Variants in POGLUT1 observed in about 807,000 individuals in gnomAD.
POGLUT1 encodes protein O-glucosyltransferase 1, also known as 9630046K23Rik.
Under a neutral mutation model 61.3 loss-of-function variants are expected in POGLUT1, and 32 were observed. That is an observed-to-expected ratio of 0.52 (90% CI 0.39 to 0.70). The LOEUF (loss-of-function observed/expected upper bound fraction) is 0.70, where lower values mean the gene tolerates loss of function less well. POGLUT1 is among the 30% of genes least tolerant of loss of function. The pLI is 0.00. For missense variants in POGLUT1, 411 were observed against 469.8 expected, an observed-to-expected ratio of 0.87 and a Z score of 1.16; for synonymous variants, 158 against 158.2, an observed-to-expected ratio of 1.00 and a Z score of 0.01.
In POGLUT1 at chr3:119,493,883, T is replaced by C. The variant is rs1437046353; in HGVS notation, c.*1445T>C. The C allele has an allele frequency of 2.1e-5, 3 of 145,166 alleles. No individual in the cohort carries two copies. The East Asian group carries it at 6.3e-4, about 30-fold the overall frequency. The allele number at this position is 145,166 out of a possible 1,614,324, so 9.0% of individuals were successfully genotyped here. A position where few individuals can be genotyped will look rare whatever the true frequency, so the allele number is the denominator to read the frequency against. ...GGTTCTTAGTCTGTGAATCTAGCAA[T>C]AGGCAGTCCAGATTTCTGAGTCGTA... On this transcript the variant is annotated 3_prime_UTR_variant, in exon 11 of 11. Transcript: ENST00000295588.
chr3:119,470,728 A>G (rs1479499057), intron 2 of POGLUT1, among the ~76,000 whole-genome samples: 1 of 152,240 alleles, frequency 6.6e-6, no homozygotes, highest in Non-Finnish European at 1.5e-5. Flanking sequence ...TTCATCAGCT[A>G]AATAACAGGG....
chr3:119,472,986 G>A (rs6782411), intron 3 of POGLUT1, among the ~76,000 whole-genome samples: 22,114 of 152,124 alleles, frequency 0.15, 1,710 homozygotes, highest in South Asian at 0.25. Flanking sequence ...AGCCTGAGCC[G>A]TGATTATGCC....
chr3:119,473,585 A>G (rs1225598291), intron 3 of POGLUT1, among the ~76,000 whole-genome samples: 1 of 152,212 alleles, frequency 6.6e-6, no homozygotes, highest in African/African-American at 2.4e-5. Flanking sequence ...ACAATCCTGA[A>G]TGAAATGCAC....
intron 3 of POGLUT1, among the ~76,000 whole-genome samples, chr3:119,474,273 C>T (rs150119771): frequency 4.6e-5 from 7 of 152,236 alleles, no homozygotes; most frequent in African/African-American, 1.4e-4. Context: ...ACATTGTATC[C>T]TGTAAATATG....
intron 5 of POGLUT1, among the ~76,000 whole-genome samples, chr3:119,482,261 A>G (rs1234756244): frequency 6.6e-6 from 1 of 152,184 alleles, no homozygotes; most frequent in Non-Finnish European, 1.5e-5. Context: ...TATGAAACCT[A>G]TATATGCTCA....
rs192813461 is a variant in POGLUT1, at chr3:119,483,985, G to A, written c.579-1343G>A. On this transcript the variant is annotated intron_variant, in intron 5 of 10. Transcript: ENST00000295588. ...GACGACTTCTTACTTTTATCTTTAT[G>A]CTTTTTCATGAGAACTTTGCATGAG... Among the ~76,000 whole-genome samples the A allele has an allele frequency of 1.3e-3, 192 of 152,300 alleles. 2 individuals are homozygous for A. The highest frequency in any genetic ancestry group is 4.5e-3 in the African/African-American group (186 of 41,566).
At chr3:119,486,621 C>T (rs1016091281) in intron 6 of POGLUT1, among the ~76,000 whole-genome samples, 1 of 152,040 alleles carries the variant, frequency 6.6e-6, no homozygotes, top group African/African-American at 2.4e-5. Context: ...GGGCCAAGTA[C>T]CCCCCAACCC....
intron 3 of POGLUT1, among the ~76,000 whole-genome samples, chr3:119,473,850 G>A (rs189285064): frequency 7.6e-4 from 116 of 151,998 alleles, no homozygotes; most frequent in South Asian, 4.8e-3. Flanking sequence ...TAGTAGAGAC[G>A]GGGTTTCACC....
In POGLUT1 at chr3:119,488,946, A is replaced by G. The variant is rs1356722422; in HGVS notation, c.756A>G (p.Pro252=). 3 of 1,592,244 alleles carry G rather than the reference A, an allele frequency of 1.9e-6. No individual in the cohort carries two copies. In the East Asian group the frequency reaches 6.7e-5, roughly 36 times the overall value. Residue 252 remains proline (P), a synonymous_variant, in exon 8 of 11, where the codon CCA becomes CCG. Coordinates refer to ENST00000295588, the MANE Select transcript of POGLUT1 (RefSeq NM_152305.3). ...ACTTAAAGGATACCTTAGGAAAGCC[A>G]GCTGCTAAGGATGTCCATCTTGTGG... The part of the protein sequence containing the change: ...WKSMKDTLGK[P]AAKDVHLVDH...
At chr3:119,478,738 T>G (rs1312124347) in intron 4 of POGLUT1, among the ~76,000 whole-genome samples, 2 of 152,160 alleles carry the variant, frequency 1.3e-5, no homozygotes, top group Non-Finnish European at 2.9e-5. Flanking sequence ...ATATTGCACA[T>G]GTATTTCCAG....
At chr3:119,491,968 C>T (rs1217462766) in intron 10 of POGLUT1, among the ~76,000 whole-genome samples, 2 of 152,088 alleles carry the variant, frequency 1.3e-5, no homozygotes, top group Admixed American at 6.6e-5. Context: ...GCAGGAGAAT[C>T]ACTTGAACCC....
Position 119,492,943 on chromosome 3 carries a change from A to T in POGLUT1, c.*505A>T, listed in dbSNP as rs1181287683. 6.5e-6 allele frequency: 1 copy of T among 152,702 alleles called. No homozygotes were observed. The highest frequency in any genetic ancestry group is 2.4e-5 in the African/African-American group (1 of 41,454). The allele number at this position is 152,702 out of a possible 1,614,324, so 9.5% of individuals were successfully genotyped here. A position where few individuals can be genotyped will look rare whatever the true frequency, so the allele number is the denominator to read the frequency against. ...GGTTTATGAAAAATACTTGGGGATC[A>T]TTCTCTGAATGGTCTAAGGAAGCGG... On this transcript the variant is annotated 3_prime_UTR_variant, in exon 11 of 11. Coordinates refer to ENST00000295588, the MANE Select transcript of POGLUT1 (RefSeq NM_152305.3).
At chr3:119,480,252 C>T in intron 5 of POGLUT1, 80 bp downstream of exon 5, 13 of 940,620 alleles carry the variant, frequency 1.4e-5, no homozygotes, top group Admixed American at 3.3e-5. Flanking sequence ...CAATTATTTA[C>T]TTTTTTTTTT....
At chr3:119,472,083 G>C (rs1239779146) in intron 3 of POGLUT1, among the ~76,000 whole-genome samples, 1 of 152,198 alleles carries the variant, frequency 6.6e-6, no homozygotes, top group African/African-American at 2.4e-5. Context: ...TGAGACCTGA[G>C]GTACCATGTC....
At chr3:119,481,196 C>T (rs1216039829) in intron 5 of POGLUT1, among the ~76,000 whole-genome samples, 3 of 152,124 alleles carry the variant, frequency 2.0e-5, no homozygotes, top group Non-Finnish European at 4.4e-5. Flanking sequence ...TTAGGCAGGG[C>T]TGAGGGAGCA....
Position 119,493,350 on chromosome 3 carries a change from ATTCAAC to A in POGLUT1, c.*918_*923del, listed in dbSNP as rs779914612. On this transcript the variant is annotated 3_prime_UTR_variant, in exon 11 of 11. Coordinates refer to ENST00000295588, the MANE Select transcript of POGLUT1 (RefSeq NM_152305.3). ...TGCCATTCAGTTGGTAGTTAAGAGCATTCAACTTCAAATATATAGAAGATATTTGTT... is the reference window on the plus strand; with the variant it reads ...TGCCATTCAGTTGGTAGTTAAGAGCATTCAAATATATAGAAGATATTTGTT... The A allele has an allele frequency of 6.6e-6, 1 of 152,232 alleles. No individual in the cohort carries two copies. The highest frequency in any genetic ancestry group is 1.5e-5 in the Non-Finnish European group (1 of 68,032). The allele number at this position is 152,232 out of a possible 1,614,324, so 9.4% of individuals were successfully genotyped here. A position where few individuals can be genotyped will look rare whatever the true frequency, so the allele number is the denominator to read the frequency against.
At position 119,476,887 on chromosome 3, in the gene POGLUT1, A is replaced by T. The variant is rs530614994; in HGVS notation, c.321-426A>T. 5.3e-5 allele frequency among the ~76,000 whole-genome samples: 8 copies of T among 152,358 alleles called. No homozygotes were observed. In the South Asian group the frequency reaches 6.2e-4, roughly 12 times the overall value. On this transcript the variant is annotated intron_variant, in intron 3 of 10. Transcript: ENST00000295588. ...AGACTTAATTATAATGGAAATAAAA[A>T]TGGTGTCTTTGTGAGGAGCAAAGCC... is the stretch of plus-strand genomic sequence containing the variant.
chr3:119,492,217 A>G (rs2107719722), intron 10 of POGLUT1, 65 bp from the exon 11 acceptor site: 5 of 1,217,934 alleles, frequency 4.1e-6, no homozygotes, highest in Middle Eastern at 2.0e-4. Flanking sequence ...TGAGCACTCA[A>G]ATGCAGACTG....
chr3:119,476,573 G>T (rs1301872055), intron 3 of POGLUT1, among the ~76,000 whole-genome samples: 1 of 151,950 alleles, frequency 6.6e-6, no homozygotes, highest in Non-Finnish European at 1.5e-5. Context: ...TTTTAAATCA[G>T]TTATTTCCAT....
Sources: gnomAD v4.1 joint callset for allele counts (sites outside exome capture counted in the v4.1 genomes callset) on GRCh38, gnomAD v4.1.1 for gene constraint, MANE v1.5 for transcripts, NCBI Gene and HGNC (gene_info 2026-07-23, HGNC 2026-07-21) for gene names.